The following DSE variants were observed in gnomAD, a reference collection of about 807,000 sequenced individuals.
The protein encoded by DSE is dermatan-sulfate epimerase.
In DSE, 36 loss-of-function variants were observed where a neutral mutation model predicts 84.4. That is an observed-to-expected ratio of 0.43 (90% CI 0.33 to 0.56). DSE has a LOEUF of 0.56. DSE is among the 20% of genes least tolerant of loss of function. The probability of loss-of-function intolerance (pLI) is 0.06; values close to 1 mark genes in which losing one functional copy is unlikely to be tolerated. For synonymous variants in DSE, 410 were observed against 430.1 expected (o/e 0.95, Z 0.58); for missense variants, 862 against 1,169.6 (o/e 0.74, Z 3.84).
At chr6:116,321,337 A>AT (rs66863151) in intron 2 of DSE, among the ~76,000 whole-genome samples, 27,842 of 115,328 alleles carry the variant, frequency 0.24, 3,585 homozygotes, top group African/African-American at 0.44. Flanking sequence ...CTAATTTTTC[A>AT]TTTTTTTTTT....
upstream of DSE, among the ~76,000 whole-genome samples, chr6:116,368,990 A>G (rs1311390496): frequency 6.6e-6 from 1 of 152,038 alleles, no homozygotes; most frequent in East Asian, 1.9e-4. Context: ...GCCAATTCGC[A>G]GGTCACTCAA....
At chr6:116,431,705 AAAGT>A (rs1783851903) in intron 4 of DSE, among the ~76,000 whole-genome samples, 1 of 152,166 alleles carries the variant, frequency 6.6e-6, no homozygotes, top group South Asian at 2.1e-4. Flanking sequence ...ATAGTATAGA[AAAGT>A]AAACAAAAAA....
At chr6:116,368,420 T>C (rs1390456699), upstream of DSE, among the ~76,000 whole-genome samples, 1 of 152,154 alleles carries the variant, frequency 6.6e-6, no homozygotes, top group East Asian at 1.9e-4. Context: ...AGAGGTGGAA[T>C]TACTCAGTTA....
chr6:116,349,491 C>G (rs939618850), intron 2 of DSE, among the ~76,000 whole-genome samples: 1 of 152,148 alleles, frequency 6.6e-6, no homozygotes, highest in African/African-American at 2.4e-5. Flanking sequence ...GTGACTAGCT[C>G]GGGCCTTCTC....
At chr6:116,361,045 A>T (rs772056011) in intron 2 of DSE, among the ~76,000 whole-genome samples, 1 of 152,160 alleles carries the variant, frequency 6.6e-6, no homozygotes, top group Non-Finnish European at 1.5e-5. Context: ...TTTTAAAATT[A>T]TGTAACTGAA....
At chr6:116,363,265 A>G (rs954952658) in intron 2 of DSE, among the ~76,000 whole-genome samples, 1 of 151,656 alleles carries the variant, frequency 6.6e-6, no homozygotes, top group Non-Finnish European at 1.5e-5. Context: ...ATATATGCAT[A>G]TATGTGTGTG....
At chr6:116,323,325 C>T (rs73548954) in intron 2 of DSE, among the ~76,000 whole-genome samples, 23,307 of 152,120 alleles carry the variant, frequency 0.15, 1,939 homozygotes, top group South Asian at 0.22. Context: ...TGTTTCTTCA[C>T]GACTGTACTC....
intron 2 of DSE, among the ~76,000 whole-genome samples, chr6:116,343,025 G>A (rs554100293): frequency 1.3e-5 from 2 of 152,278 alleles, no homozygotes; most frequent in Non-Finnish European, 1.5e-5. Context: ...AGGGTCCCAC[G>A]CCCACGGAGC....
At chr6:116,372,650 C>T (rs552634475) in intron 1 of DSE, among the ~76,000 whole-genome samples, 27 of 152,166 alleles carry the variant, frequency 1.8e-4, no homozygotes, top group African/African-American at 6.3e-4. Flanking sequence ...TGACCTCTTC[C>T]TTTGACGGTC....
chr6:116,409,880 C>A (rs1034778711), intron 2 of DSE, among the ~76,000 whole-genome samples: 2 of 152,040 alleles, frequency 1.3e-5, no homozygotes, highest in African/African-American at 4.8e-5. Flanking sequence ...AAAAAGGAGC[C>A]GTGCTTGACT....
At chr6:116,339,796 T>C (rs1009940294) in intron 2 of DSE, among the ~76,000 whole-genome samples, 1 of 152,214 alleles carries the variant, frequency 6.6e-6, no homozygotes, top group Non-Finnish European at 1.5e-5. Context: ...AATAAAATTA[T>C]AGAAATATGG....
intron 1 of DSE, among the ~76,000 whole-genome samples, 193 bp downstream of exon 1, chr6:116,371,314 C>G (rs148061625): frequency 1.5e-3 from 229 of 152,300 alleles, no homozygotes; most frequent in Middle Eastern, 0.014. Flanking sequence ...GCGCCTGACG[C>G]GTGAAGCCTG....
chr6:116,388,524 C>G (rs1780699871), intron 1 of DSE, among the ~76,000 whole-genome samples: 1 of 152,036 alleles, frequency 6.6e-6, no homozygotes, highest in Non-Finnish European at 1.5e-5. Flanking sequence ...ATGTAAACAT[C>G]AAAGGGGGAG....
At chr6:116,267,424 C>CA (rs1743222846) in intron 2 of DSE, among the ~76,000 whole-genome samples, 1 of 147,874 alleles carries the variant, frequency 6.8e-6, no homozygotes, top group African/African-American at 2.5e-5. Context: ...TCATTTTTAA[C>CA]AAAAAAGTTT....
intron 2 of DSE, among the ~76,000 whole-genome samples, chr6:116,356,649 G>A (rs376709391): frequency 3.9e-5 from 6 of 152,234 alleles, no homozygotes; most frequent in Admixed American, 3.9e-4. Flanking sequence ...CTCACTTTGC[G>A]AATGACGAAA....
At chr6:116,386,629 C>T (rs1780591853) in intron 1 of DSE, among the ~76,000 whole-genome samples, 1 of 152,230 alleles carries the variant, frequency 6.6e-6, no homozygotes, top group Non-Finnish European at 1.5e-5. Context: ...TGACTGACTT[C>T]AGCTACTCAG....
At chr6:116,267,639 T>C (rs1282161846) in intron 2 of DSE, among the ~76,000 whole-genome samples, 1 of 152,172 alleles carries the variant, frequency 6.6e-6, no homozygotes, top group African/African-American at 2.4e-5. Context: ...AATTTTTTTA[T>C]AAACTTAGTG....
At chr6:116,340,575 G>A (rs1230746764) in intron 2 of DSE, among the ~76,000 whole-genome samples, 1 of 151,956 alleles carries the variant, frequency 6.6e-6, no homozygotes, top group African/African-American at 2.4e-5. Context: ...GTGTCATGTT[G>A]GTTTGCTGCA....
intron 1 of DSE, among the ~76,000 whole-genome samples, chr6:116,258,048 G>A (rs906370391): frequency 1.1e-4 from 17 of 152,026 alleles, no homozygotes; most frequent in African/African-American, 2.7e-4. Context: ...ATGGAGTCTC[G>A]CTCTGTCACA....
Sources: gnomAD v4.1 joint callset for allele counts (sites outside exome capture counted in the v4.1 genomes callset) on GRCh38, gnomAD v4.1.1 for gene constraint, MANE v1.5 for transcripts, NCBI Gene and HGNC (gene_info 2026-07-23, HGNC 2026-07-21) for gene names.